Variants in CEP192 observed in about 807,000 individuals in gnomAD.
CEP192 encodes centrosomal protein of 192 kDa.
CEP192 carries 151 observed loss-of-function variants against 271.8 expected under a neutral mutation model. The observed-to-expected ratio is 0.56, with a 90% CI of 0.49 to 0.64. The LOEUF is 0.64. Among genes scored for constraint, CEP192 ranks in the 30% least tolerant of loss-of-function variants. The pLI is 0.00. For missense variants in CEP192, 2,910 were observed against 3,020.5 expected, an observed-to-expected ratio of 0.96 and a Z score of 0.86; for synonymous variants, 995 against 1,076.5, an observed-to-expected ratio of 0.92 and a Z score of 1.48.
chr18:13,004,253 G>A (rs1226356674), intron 3 of CEP192, among the ~76,000 whole-genome samples: 2 of 152,074 alleles, frequency 1.3e-5, no homozygotes, highest in Non-Finnish European at 2.9e-5. Context: ...GCAGAGAAAC[G>A]AGGTTATGAC....
chr18:13,086,318 A>G (rs930102546), intron 30 of CEP192, among the ~76,000 whole-genome samples: 1 of 152,216 alleles, frequency 6.6e-6, no homozygotes, highest in Admixed American at 6.5e-5. Flanking sequence ...CAATCATGTC[A>G]CCTGCAAAGA....
chr18:13,082,681 T>C (rs1389181616), intron 30 of CEP192, among the ~76,000 whole-genome samples: 1 of 152,142 alleles, frequency 6.6e-6, no homozygotes, highest in Non-Finnish European at 1.5e-5. Context: ...TAGCTGGTTA[T>C]TTTGCCTGGT....
At chr18:12,999,746 T>C (rs1415479110) in intron 2 of CEP192, among the ~76,000 whole-genome samples, 158 bp downstream of exon 2, 2 of 152,084 alleles carry the variant, frequency 1.3e-5, no homozygotes, top group Non-Finnish European at 2.9e-5. Context: ...GAATTTACTG[T>C]CTTTTTCCCC....
chr18:13,105,202 C>T (rs892905291), intron 40 of CEP192, 123 bp downstream of exon 40: 29 of 713,780 alleles, frequency 4.1e-5, no homozygotes, highest in South Asian at 1.1e-4. Context: ...AGTCTGCACA[C>T]GAGAGAAGAG....
chr18:13,108,313 TTAAAC>T lies in CEP192; in HGVS notation c.7047+3239_7047+3243del, dbSNP rs202136305. ...ACAAAAATTGACAAATGGGACCTAA[TTAAAC>T]TAAAGAGCTTCTGCACAGCAAAGGA... is the stretch of plus-strand genomic sequence containing the variant. On this transcript the variant is annotated intron_variant, in intron 40 of 44. Coordinates refer to ENST00000506447, the MANE Select transcript of CEP192 (RefSeq NM_032142.4). Among the ~76,000 whole-genome samples, 1,110 of 152,224 alleles carry T rather than the reference TTAAAC, an allele frequency of 7.3e-3. 13 individuals carry two copies. The highest frequency in any genetic ancestry group is 0.025 in the African/African-American group (1,051 of 41,532).
At chr18:13,052,867 A>T in intron 17 of CEP192, 52 bp from the exon 18 acceptor site, 1 of 1,396,900 alleles carries the variant, frequency 7.2e-7, no homozygotes, top group Admixed American at 2.3e-5. Flanking sequence ...TTGCTAATGT[A>T]GATAGTTGAA....
chr18:13,013,879 T>C (rs893682578), intron 5 of CEP192, among the ~76,000 whole-genome samples: 14 of 152,226 alleles, frequency 9.2e-5, no homozygotes, highest in Non-Finnish European at 2.1e-4. Flanking sequence ...ATAGAATGAA[T>C]GCAAAAGGGT....
intron 40 of CEP192, among the ~76,000 whole-genome samples, chr18:13,113,248 A>G (rs2040286411): frequency 6.6e-6 from 1 of 152,196 alleles, no homozygotes; most frequent in Non-Finnish European, 1.5e-5. Flanking sequence ...CACACAAGGG[A>G]AGACAATTGC....
chr18:13,116,691 G>T (rs1192039586), intron 43 of CEP192, among the ~76,000 whole-genome samples, 188 bp downstream of exon 43: 2 of 152,006 alleles, frequency 1.3e-5, no homozygotes, highest in Non-Finnish European at 2.9e-5. Flanking sequence ...CTCACTGCAA[G>T]CTCCACCTCC....
chr18:12,992,111 G>A (rs1250851492), intron 1 of CEP192, among the ~76,000 whole-genome samples: 2 of 152,060 alleles, frequency 1.3e-5, no homozygotes, highest in African/African-American at 4.8e-5. Context: ...AAAACATGAG[G>A]ACCTCTTCAA....
At chr18:13,013,250 G>C (rs1207978911) in intron 5 of CEP192, among the ~76,000 whole-genome samples, 1 of 152,162 alleles carries the variant, frequency 6.6e-6, no homozygotes, top group African/African-American at 2.4e-5. Flanking sequence ...GGTGATGTCA[G>C]AGCTGAGTCC....
intron 30 of CEP192, among the ~76,000 whole-genome samples, chr18:13,075,408 A>C (rs976020573): frequency 5.3e-5 from 8 of 152,172 alleles, no homozygotes; most frequent in Non-Finnish European, 1.2e-4. Flanking sequence ...TCTACTAAAC[A>C]TACAAAAATT....
chr18:13,094,111 G>A (rs745682982), intron 34 of CEP192, among the ~76,000 whole-genome samples: 11 of 152,124 alleles, frequency 7.2e-5, no homozygotes, highest in Non-Finnish European at 1.2e-4. Context: ...TTTTCTTGGT[G>A]CATCTTCTCA....
At chr18:13,084,763 T>G (rs1362108021) in intron 30 of CEP192, among the ~76,000 whole-genome samples, 1 of 151,840 alleles carries the variant, frequency 6.6e-6, no homozygotes, top group Non-Finnish European at 1.5e-5. Context: ...TGAAACGGAG[T>G]CTCTAATGAT....
At chr18:13,052,071 C>T (rs2036825479) in intron 17 of CEP192, among the ~76,000 whole-genome samples, 1 of 152,228 alleles carries the variant, frequency 6.6e-6, no homozygotes, top group Non-Finnish European at 1.5e-5. Context: ...GACTTTGCCG[C>T]TTCCCCTCAA....
intron 3 of CEP192, among the ~76,000 whole-genome samples, chr18:13,007,376 A>T (rs1363279468): frequency 6.6e-6 from 1 of 152,142 alleles, no homozygotes; most frequent in Non-Finnish European, 1.5e-5. Flanking sequence ...TTTTAGAGAG[A>T]TGGTGGTGAA....
chr18:13,107,935 G>T lies in CEP192; in HGVS notation c.7047+2856G>T, dbSNP rs139415199. Among the ~76,000 whole-genome samples the T allele has an allele frequency of 1.7e-3, 252 of 147,856 alleles. 1 individual carries two copies. The highest frequency in any genetic ancestry group is 6.0e-3 in the African/African-American group (243 of 40,538). On this transcript the variant is annotated intron_variant, in intron 40 of 44. Transcript: ENST00000506447. ...CTACAGTAACCATAACAGCATGGTA[G>T]CAAAACAAAAACAGACATATAAACC...
chr18:13,079,382 A>G (rs908983149), intron 30 of CEP192, among the ~76,000 whole-genome samples: 1 of 152,182 alleles, frequency 6.6e-6, no homozygotes, highest in African/African-American at 2.4e-5. Flanking sequence ...TTCTCTGATG[A>G]CCAGTGATGA....
intron 15 of CEP192, among the ~76,000 whole-genome samples, chr18:13,048,276 T>A (rs1368205772): frequency 6.6e-6 from 1 of 152,154 alleles, no homozygotes; most frequent in African/African-American, 2.4e-5. Flanking sequence ...AGGATGTGAG[T>A]CTTTCTTTTG....
Sources: allele counts gnomAD v4.1 joint callset (sites outside exome capture counted in the v4.1 genomes callset), GRCh38; gene constraint gnomAD v4.1.1; transcripts MANE v1.5; gene names NCBI Gene and HGNC (gene_info 2026-07-23, HGNC 2026-07-21).